The following DRP2 variants were observed in gnomAD, a reference collection of about 807,000 sequenced individuals.
DRP2 encodes the protein dystrophin related protein 2, also known as dystrophin-related protein 2.
DRP2 carries 29 observed loss-of-function variants against 78.2 expected under a neutral mutation model. That is an observed-to-expected ratio of 0.37 (90% confidence interval 0.28 to 0.51). The LOEUF (loss-of-function observed/expected upper bound fraction) is 0.51. Among genes scored for constraint, DRP2 ranks in the 20% least tolerant of loss-of-function variants. The probability of loss-of-function intolerance (pLI) is 0.94; values close to 1 mark genes in which losing one functional copy is unlikely to be tolerated. For missense variants in DRP2, 686 were observed against 770.6 expected, an observed-to-expected ratio of 0.89 and a Z score of 1.30; for synonymous variants, 290 against 281.9, an observed-to-expected ratio of 1.03 and a Z score of -0.29.
chrX:101,224,418 C>A (rs865777416), intron 1 of DRP2, among the ~76,000 whole-genome samples, 186 bp from the exon 2 acceptor site: 2 of 102,555 alleles, frequency 2.0e-5, no homozygotes, highest in African/African-American at 3.6e-5. Context: ...AAAAAAAGCC[C>A]AAAAAACCCG....
At chrX:101,224,235 G>A (rs1175760189) in intron 1 of DRP2, among the ~76,000 whole-genome samples, 7 of 50,756 alleles carry the variant, frequency 1.4e-4, no homozygotes, top group Non-Finnish European at 2.2e-4. Context: ...ATGGAGTCTC[G>A]CTATGTCACC....
intron 17 of DRP2, among the ~76,000 whole-genome samples, chrX:101,253,323 C>T (rs180793749): frequency 2.0e-3 from 221 of 110,182 alleles, no homozygotes; most frequent in Non-Finnish European, 3.5e-3. Flanking sequence ...CCCTGAACTC[C>T]AGCCACAGAG....
Position 101,234,932 on chromosome X carries a change from G to GC in DRP2, c.118-927dup, listed in dbSNP as rs1045025871. On this transcript the variant is annotated intron_variant, in intron 3 of 23. Transcript: ENST00000395209. Reference sequence around the variant, plus strand: ...CAAATGAAGGCAAGCATGTAGACAAGCAGGTAGGCAGGTGTGGGTCTCCCT... The same window carrying GC: ...CAAATGAAGGCAAGCATGTAGACAAGCCAGGTAGGCAGGTGTGGGTCTCCCT... Among the ~76,000 whole-genome samples the GC allele has an allele frequency of 2.5e-4, 28 of 110,955 alleles. 1 individual carries two copies.
intron 14 of DRP2, among the ~76,000 whole-genome samples, chrX:101,249,328 A>G (rs1390932050): frequency 8.9e-6 from 1 of 112,444 alleles, no homozygotes; most frequent in Non-Finnish European, 1.9e-5. Flanking sequence ...CAGAAAAGAG[A>G]CAGATGACAG....
chrX:101,244,841 C>T (rs141294541), intron 9 of DRP2, among the ~76,000 whole-genome samples, 176 bp from the exon 10 acceptor site: 127 of 112,216 alleles, frequency 1.1e-3, no homozygotes, highest in African/African-American at 3.9e-3. Flanking sequence ...GGGAGAGAAG[C>T]GTGTTCATTA....
intron 2 of DRP2, among the ~76,000 whole-genome samples, chrX:101,229,884 C>A (rs185987703): frequency 2.7e-5 from 3 of 112,197 alleles, no homozygotes; most frequent in Non-Finnish European, 5.6e-5. Context: ...CTTTACTAAG[C>A]TTAGCTCTTT....
chrX:101,242,873 A>C (rs1171387741), intron 8 of DRP2, 31 bp from the exon 9 acceptor site: 1 of 1,185,731 alleles, frequency 8.4e-7, no homozygotes, highest in South Asian at 1.8e-5. Flanking sequence ...GCTGGAATGA[A>C]TCTACTGACC....
chrX:101,227,196 C>T (rs997173147), intron 2 of DRP2, among the ~76,000 whole-genome samples: 1 of 112,032 alleles, frequency 8.9e-6, no homozygotes, highest in Non-Finnish European at 1.9e-5. Flanking sequence ...AATACTGTCA[C>T]ATTGGGGACA....
chrX:101,242,194 C>A, intron 7 of DRP2, 131 bp from the exon 8 acceptor site: 1 of 984,371 alleles, frequency 1.0e-6, no homozygotes, highest in Non-Finnish European at 1.4e-6. Context: ...GTCTGGTTGC[C>A]CTAATAGGCA....
chrX:101,247,194 G>A (rs753699750), intron 12 of DRP2, 30 bp downstream of exon 12: 19 of 1,143,859 alleles, frequency 1.7e-5, no homozygotes, highest in African/African-American at 9.1e-5. Flanking sequence ...TCCCTATGAC[G>A]TTCACCACCC....
intron 20 of DRP2, among the ~76,000 whole-genome samples, 190 bp from the exon 21 acceptor site, chrX:101,255,928 C>A (rs755450911): frequency 3.7e-4 from 41 of 111,689 alleles, no homozygotes; most frequent in African/African-American, 1.3e-3. Flanking sequence ...TCTCTCAATA[C>A]CCCCAACCAC....
At position 101,254,479 on chromosome X, in the gene DRP2, C is replaced by T. The variant is rs201072667; in HGVS notation, c.2032C>T (p.Arg678Cys). ...DFATTLKNKF[R>C]SKHYFSKHPQ... ...TGCCACAACCTTAAAGAACAAATTC[C>T]GCTCCAAGCATTATTTCAGCAAACA... is the stretch of plus-strand genomic sequence containing the variant. The change falls in exon 18 of 24, where the codon CGC (arginine) becomes TGC (cysteine). Residue 678 changes from arginine to cysteine, a missense_variant. By Grantham distance (180) the Arg-to-Cys change is radical. Around this residue, in one of 2 missense-constraint regions of DRP2, gnomAD observed 423 missense variants for 531.5 expected, o/e 0.80. Coordinates refer to ENST00000395209, the MANE Select transcript of DRP2 (RefSeq NM_001939.3). 1.6e-5 allele frequency: 19 copies of T among 1,210,180 alleles called. No individual in the cohort carries two copies. The highest frequency in any genetic ancestry group is 1.7e-5 in the Non-Finnish European group (15 of 895,283).
At position 101,258,461 on chromosome X, in the gene DRP2, G is replaced by A. The variant is rs1005595951; in HGVS notation, c.2543G>A (p.Arg848His). 1.8e-5 allele frequency: 22 copies of A among 1,198,380 alleles called. No individual in the cohort carries two copies. The highest frequency in any genetic ancestry group is 4.6e-4 in the Middle Eastern group (2 of 4,337). ...EARILRQHKS[R>H]LETRMQILED... Reference sequence around the variant, plus strand: ...CGTATCCTTCGGCAACATAAGAGCCGCCTGGAGACGCGCATGCAGATCCTC... The same window carrying A: ...CGTATCCTTCGGCAACATAAGAGCCACCTGGAGACGCGCATGCAGATCCTC... The change falls in exon 22 of 24, where the codon CGC becomes CAC. Residue 848 changes from arginine to histidine, a missense_variant. By Grantham distance (29) the Arg-to-His change is conservative. Transcript: ENST00000395209.
At chrX:101,226,595 CT>C (rs752119773) in intron 2 of DRP2, among the ~76,000 whole-genome samples, 1 of 111,637 alleles carries the variant, frequency 9.0e-6, no homozygotes, top group Non-Finnish European at 1.9e-5. Context: ...CTGTGTATGG[CT>C]TTTAGAACCA....
At chrX:101,260,431 A>G (rs750488574) in intron 23 of DRP2, 66 bp from the exon 24 acceptor site, 254 of 1,161,361 alleles carry the variant, frequency 2.2e-4, no homozygotes, top group South Asian at 4.3e-4. Context: ...GCAGAATTCT[A>G]TCTGACCCCT....
chrX:101,246,009 A>G (rs1002403999), intron 11 of DRP2, among the ~76,000 whole-genome samples: 1 of 112,475 alleles, frequency 8.9e-6, no homozygotes, highest in Non-Finnish European at 1.9e-5. Flanking sequence ...GGATTCATAG[A>G]TGCATACTTG....
intron 16 of DRP2, chrX:101,251,305 A>G: frequency 3.0e-6 from 1 of 335,434 alleles, no homozygotes; most frequent in East Asian, 5.2e-5. Flanking sequence ...AAAGTATTAC[A>G]GACCTACAAA....
chrX:101,258,605 G>A (rs925927624), intron 22 of DRP2, 59 bp downstream of exon 22: 2 of 1,016,017 alleles, frequency 2.0e-6, no homozygotes, highest in Non-Finnish European at 2.7e-6. Flanking sequence ...GAAGGGCTGG[G>A]GAGCTGAGGG....
Position 101,260,285 on chromosome X carries a change from G to A in DRP2, c.2749+116G>A, listed in dbSNP as rs1923501119. 17 of 1,032,864 alleles carry A rather than the reference G, an allele frequency of 1.6e-5. No homozygotes were observed. The Admixed American group carries it at 4.8e-4, about 29-fold the overall frequency. 85.1% of individuals were successfully genotyped at this position (1,032,864 alleles called of 1,213,427 possible). A position where few individuals can be genotyped will look rare whatever the true frequency, so the allele number is the denominator to read the frequency against. ...TTTCTCCTCTTGGCTTTGTGCTTAG[G>A]GTCAGGGATGATTGGTTTACTGATT... On this transcript the variant is annotated intron_variant, in intron 23 of 23. Coordinates refer to ENST00000395209, the MANE Select transcript of DRP2 (RefSeq NM_001939.3).
Sources: allele counts gnomAD v4.1 joint callset (sites outside exome capture counted in the v4.1 genomes callset), GRCh38; gene constraint gnomAD v4.1.1; regional missense constraint gnomAD v4.1.1; transcripts MANE v1.5; gene names NCBI Gene and HGNC (gene_info 2026-07-23, HGNC 2026-07-21).